Variants in CCDC178 observed in about 807,000 individuals in gnomAD.
The protein encoded by CCDC178 is coiled-coil domain-containing protein 178.
A neutral mutation model predicts 117.4 loss-of-function variants in CCDC178; 126 were observed. That is an observed-to-expected ratio of 1.07 (90% CI 0.93 to 1.24). CCDC178 has a LOEUF of 1.24. Ranked by LOEUF, CCDC178 falls within the 50% of genes most tolerant of loss-of-function variation. The pLI is 0.00. For synonymous variants in CCDC178, 283 were observed against 313.4 expected, an observed-to-expected ratio of 0.90 and a Z score of 1.02; for missense variants, 1,030 against 986.9, an observed-to-expected ratio of 1.04 and a Z score of -0.59.
chr18:32,953,730 T>C (rs2054536777), intron 22 of CCDC178, among the ~76,000 whole-genome samples: 1 of 152,218 alleles, frequency 6.6e-6, no homozygotes, highest in South Asian at 2.1e-4. Flanking sequence ...TTTTCTCTTA[T>C]AAAACAATGT....
In CCDC178 at chr18:33,276,028, G is replaced by GTAAATAAATAAATAAA. The variant is rs148486473; in HGVS notation, c.1177-8747_1177-8732dup. On this transcript the variant is annotated intron_variant, in intron 12 of 22. Transcript: ENST00000383096. ...AAGACCCTGTTTCTAAAGTAAGTGA[G>GTAAATAAATAAATAAA]TAAATAAATAAATAAATAAATAAAT... 9.3e-3 allele frequency among the ~76,000 whole-genome samples: 1,371 copies of GTAAATAAATAAATAAA among 146,836 alleles called. 13 individuals are homozygous for GTAAATAAATAAATAAA. Among genetic ancestry groups the GTAAATAAATAAATAAA allele is most frequent in the Middle Eastern group, 0.021 (6 of 288 alleles).
In CCDC178 at chr18:33,211,891, CT is replaced by C; in HGVS notation, c.2238+4del. 6.3e-7 allele frequency: 1 copy of C among 1,595,324 alleles called. No homozygotes were observed. Among genetic ancestry groups the C allele is most frequent in the Non-Finnish European group, 8.5e-7 (1 of 1,173,988 alleles). On this transcript the variant is annotated splice_donor_region_variant and intron_variant, in intron 20 of 22. Coordinates refer to ENST00000383096, the MANE Select transcript of CCDC178 (RefSeq NM_001105528.4). ...CATTTTGAAACATGCAAAAATAATACTCACTTGGGTATCTTGAAGAGTTTTT... is the reference window on the plus strand; with the variant it reads ...CATTTTGAAACATGCAAAAATAATACCACTTGGGTATCTTGAAGAGTTTTT...
At chr18:33,311,486 T>C (rs1462143551) in intron 11 of CCDC178, among the ~76,000 whole-genome samples, 1 of 152,212 alleles carries the variant, frequency 6.6e-6, no homozygotes, top group Non-Finnish European at 1.5e-5. Context: ...TACCTATCAA[T>C]AGAGAACCTC....
At chr18:33,124,503 T>C (rs271572) in intron 20 of CCDC178, among the ~76,000 whole-genome samples, 1 of 152,106 alleles carries the variant, frequency 6.6e-6, no homozygotes, top group African/African-American at 2.4e-5. Context: ...AATTATTTAT[T>C]TTCTAGTTAC....
chr18:33,018,032 T>G (rs1230004629), intron 21 of CCDC178, among the ~76,000 whole-genome samples: 3 of 152,050 alleles, frequency 2.0e-5, no homozygotes, highest in Non-Finnish European at 1.5e-5. Flanking sequence ...GAAAACCTTA[T>G]AGCTGATGAA....
At chr18:33,161,555 C>T (rs2058463435) in intron 20 of CCDC178, among the ~76,000 whole-genome samples, 1 of 152,088 alleles carries the variant, frequency 6.6e-6, no homozygotes, top group South Asian at 2.1e-4. Context: ...ATTTGAATTG[C>T]CTCAAAAATT....
At chr18:33,224,256 G>A (rs2059273867) in intron 17 of CCDC178, among the ~76,000 whole-genome samples, 3 of 152,074 alleles carry the variant, frequency 2.0e-5, no homozygotes, top group African/African-American at 7.2e-5. Context: ...ACTAATGACA[G>A]GATTAATACA....
intron 14 of CCDC178, among the ~76,000 whole-genome samples, chr18:33,248,305 G>A (rs1009423740): frequency 6.6e-6 from 1 of 151,244 alleles, no homozygotes; most frequent in African/African-American, 2.4e-5. Context: ...TAACTTCTAG[G>A]GTACATGTGC....
chr18:33,347,408 T>C (rs1195134501), intron 8 of CCDC178, among the ~76,000 whole-genome samples: 1 of 152,196 alleles, frequency 6.6e-6, no homozygotes, highest in African/African-American at 2.4e-5. Context: ...TTTTAACCCA[T>C]TGGACTTGTC....
At chr18:33,097,709 AT>A (rs1183018750) in intron 20 of CCDC178, among the ~76,000 whole-genome samples, 1 of 152,124 alleles carries the variant, frequency 6.6e-6, no homozygotes, top group Non-Finnish European at 1.5e-5. Flanking sequence ...ACATTAAATA[AT>A]TAAATCAAAT....
chr18:33,337,298 C>G (rs950735756), intron 9 of CCDC178, among the ~76,000 whole-genome samples: 2 of 151,960 alleles, frequency 1.3e-5, no homozygotes, highest in African/African-American at 2.4e-5. Flanking sequence ...GTTCTAGGAG[C>G]TTTTTGGATG....
intron 20 of CCDC178, among the ~76,000 whole-genome samples, chr18:33,106,074 A>G (rs970271816): frequency 3.3e-5 from 5 of 151,658 alleles, no homozygotes; most frequent in Admixed American, 1.3e-4. Flanking sequence ...ACATATTTCA[A>G]TGACTTAAAT....
intron 10 of CCDC178, among the ~76,000 whole-genome samples, chr18:33,327,157 T>C (rs2062595473): frequency 6.6e-6 from 1 of 152,242 alleles, no homozygotes. Context: ...TCCTTCTGTG[T>C]CTATGGATTT....
At chr18:33,307,346 T>C (rs144775649) in intron 11 of CCDC178, among the ~76,000 whole-genome samples, 1,768 of 152,278 alleles carry the variant, frequency 0.012, 21 homozygotes, top group Non-Finnish European at 0.017. Context: ...ATTTTGGGGA[T>C]TGGAGCAAAA....
At chr18:33,423,719 T>C (rs1269009610) in intron 2 of CCDC178, among the ~76,000 whole-genome samples, 2 of 152,202 alleles carry the variant, frequency 1.3e-5, no homozygotes, top group Admixed American at 1.3e-4. Flanking sequence ...CTTTATTCCA[T>C]GTTTTTTCTT....
At chr18:33,281,456 A>G (rs542127128) in intron 12 of CCDC178, among the ~76,000 whole-genome samples, 12 of 152,312 alleles carry the variant, frequency 7.9e-5, no homozygotes, top group African/African-American at 2.9e-4. Context: ...GTTTAAAGTC[A>G]TGTTCAAAAC....
At chr18:33,224,513 G>A (rs1158591629) in intron 17 of CCDC178, among the ~76,000 whole-genome samples, 5 of 151,964 alleles carry the variant, frequency 3.3e-5, no homozygotes, top group Admixed American at 1.3e-4. Context: ...CATAATGAAC[G>A]TTCACACCAG....
intron 21 of CCDC178, among the ~76,000 whole-genome samples, chr18:32,978,570 G>A (rs866260527): frequency 3.2e-4 from 48 of 152,122 alleles, no homozygotes; most frequent in South Asian, 1.0e-3. Context: ...CTGATAAAAG[G>A]TATAAATCAA....
At chr18:33,215,352 G>A (rs1482429555) in intron 19 of CCDC178, among the ~76,000 whole-genome samples, 198 bp downstream of exon 19, 5 of 151,820 alleles carry the variant, frequency 3.3e-5, no homozygotes, top group Non-Finnish European at 5.9e-5. Context: ...GAACAAACCC[G>A]AGAAGCAATA....
Sources: allele counts gnomAD v4.1 joint callset (sites outside exome capture counted in the v4.1 genomes callset), GRCh38; gene constraint gnomAD v4.1.1; transcripts MANE v1.5; gene names NCBI Gene and HGNC (gene_info 2026-07-23, HGNC 2026-07-21).